The following PHC2 variants were observed in gnomAD, a reference collection of about 807,000 sequenced individuals.
PHC2 encodes polyhomeotic homolog 2.
Under a neutral mutation model 87.4 loss-of-function variants are expected in PHC2, and 29 were observed. The ratio of observed to expected loss-of-function variants is 0.33; its 90% CI spans 0.25 to 0.45. PHC2 has a LOEUF of 0.45. PHC2 is among the 20% of genes least tolerant of loss of function. The pLI is 1.00. For synonymous variants in PHC2, 438 were observed against 461.7 expected (o/e 0.95, Z 0.66); for missense variants, 857 against 1,136.7 (o/e 0.75, Z 3.54).
At chr1:33,330,530 T>C (rs1477039669) in intron 12 of PHC2, among the ~76,000 whole-genome samples, 1 of 152,216 alleles carries the variant, frequency 6.6e-6, no homozygotes, top group Non-Finnish European at 1.5e-5. Flanking sequence ...TATTCCACTA[T>C]AAATGTTACC....
rs1181637203 is a variant in PHC2 at position 33,375,396 on chromosome 1, G to A, written c.144C>T (p.Tyr48=). ...GRPTGPQISV[Y]SGIPDRQTVQ... ...CGGTCTGCCGGTCTGGAATACCACT[G>A]TACACAGAAATCTGGGGCCCGGTGG... Residue 48 remains tyrosine (Y), a synonymous_variant, in exon 2 of 15, where the codon TAC becomes TAT. Coordinates refer to ENST00000683057, the MANE Select transcript of PHC2 (RefSeq NM_001385109.1). 1.9e-6 allele frequency: 3 copies of A among 1,608,502 alleles called. No homozygotes were observed. The highest frequency in any genetic ancestry group is 2.5e-6 in the Non-Finnish European group (3 of 1,177,238).
intron 1 of PHC2, among the ~76,000 whole-genome samples, chr1:33,425,153 G>GTA (rs1205746751): frequency 6.6e-6 from 1 of 152,190 alleles, no homozygotes; most frequent in Non-Finnish European, 1.5e-5. Flanking sequence ...GGTGCTCACT[G>GTA]TATAATTTCC....
intron 2 of PHC2, 133 bp from the exon 3 acceptor site, chr1:33,372,580 GCCAAT>G (rs759892706): frequency 0.086 from 55,558 of 648,196 alleles, 4,112 homozygotes; most frequent in African/African-American, 0.31. Context: ...CACCACCACA[GCCAAT>G]TGTGGCCACT....
At chr1:33,413,969 C>T (rs1650090671) in intron 1 of PHC2, among the ~76,000 whole-genome samples, 1 of 152,112 alleles carries the variant, frequency 6.6e-6, no homozygotes, top group African/African-American at 2.4e-5. Flanking sequence ...TACAGCATGG[C>T]ATTGTGAGAA....
In PHC2 at chr1:33,382,785, C is replaced by T. The variant is rs1363942601; in HGVS notation, c.-54-7192G>A. On this transcript the variant is annotated intron_variant, in intron 1 of 14. Coordinates refer to ENST00000683057, the MANE Select transcript of PHC2 (RefSeq NM_001385109.1). The surrounding 1 kb of genome is among the most constrained non-coding windows in gnomAD (Gnocchi z 4.3). ...ATGGTTCTGCCCTCCCAGGAGCCGC[C>T]AAGTCTACGAAACACTAGGCCTTTG... Among the ~76,000 whole-genome samples the T allele has an allele frequency of 6.6e-6, 1 of 152,186 alleles. No individual in the cohort carries two copies. The highest frequency in any genetic ancestry group is 2.4e-5 in the African/African-American group (1 of 41,448).
At chr1:33,370,301 T>A in intron 5 of PHC2, 120 bp downstream of exon 5, 15 of 765,842 alleles carry the variant, frequency 2.0e-5, no homozygotes, top group African/African-American at 3.5e-5. Flanking sequence ...ATCCCACCCC[T>A]TATCTCCTGC....
intron 1 of PHC2, among the ~76,000 whole-genome samples, chr1:33,416,584 G>GAAAAAAAAAAAAAAAA (rs61591207): frequency 8.6e-6 from 1 of 115,840 alleles, no homozygotes; most frequent in Non-Finnish European, 1.7e-5. Flanking sequence ...TCAAAAAAAA[G>GAAAAAAAAAAAAAAAA]AAAAAAAAAA....
chr1:33,423,729 G>A (rs1187948168), intron 1 of PHC2, among the ~76,000 whole-genome samples: 2 of 152,228 alleles, frequency 1.3e-5, no homozygotes, highest in Non-Finnish European at 2.9e-5. Flanking sequence ...TAGGTGTAAT[G>A]CAGTACTTTC....
intron 7 of PHC2, among the ~76,000 whole-genome samples, chr1:33,366,202 G>A (rs550393157): frequency 1.3e-5 from 2 of 152,372 alleles, no homozygotes; most frequent in East Asian, 3.9e-4. Flanking sequence ...ACTGAGGTTA[G>A]TGGTTGTCTC....
At chr1:33,346,489 T>A (rs912999144) in intron 9 of PHC2, 1 of 985,272 alleles carries the variant, frequency 1.0e-6, no homozygotes, top group Non-Finnish European at 1.2e-6. Flanking sequence ...AGAATCTTTC[T>A]ATGGCTGGAA....
At chr1:33,418,999 G>A (rs1650319686) in intron 1 of PHC2, among the ~76,000 whole-genome samples, 1 of 152,132 alleles carries the variant, frequency 6.6e-6, no homozygotes, top group Admixed American at 6.5e-5. Flanking sequence ...CTTGGTTCAG[G>A]TCCTGGCCCC....
chr1:33,350,020 G>C (rs1000512582), intron 9 of PHC2: 1 of 232,648 alleles, frequency 4.3e-6, no homozygotes, highest in South Asian at 1.6e-4. Flanking sequence ...TCCTTTGTGC[G>C]GCGAGCCCCG....
At chr1:33,404,164 A>G (rs1489457525) in intron 1 of PHC2, among the ~76,000 whole-genome samples, 1 of 152,340 alleles carries the variant, frequency 6.6e-6, no homozygotes, top group Middle Eastern at 3.4e-3. Context: ...ATTTCCCTCC[A>G]AAACACTTCT....
Position 33,354,861 on chromosome 1 carries a change from G to C in PHC2, c.1369C>G (p.Gln457Glu), listed in dbSNP as rs139804561. The change falls in exon 8 of 15, where the codon CAA (glutamine) becomes GAA (glutamate). Residue 457 changes from glutamine to glutamate, a missense_variant. By Grantham distance (29) the Gln-to-Glu change is conservative (BLOSUM62 2). Coordinates refer to ENST00000683057, the MANE Select transcript of PHC2 (RefSeq NM_001385109.1). Reference sequence around the variant, plus strand: ...ACCACTGGTGAAGCAGGCTGCAGTTGTAAGATGACAGCTGAAGTGTGCTGG... The same window carrying C: ...ACCACTGGTGAAGCAGGCTGCAGTTCTAAGATGACAGCTGAAGTGTGCTGG... ...RFQHTSAVIL[Q>E]LQPASPVPQQ... 3.1e-6 allele frequency: 5 copies of C among 1,613,950 alleles called. No homozygotes were observed. Among genetic ancestry groups the C allele is most frequent in the Non-Finnish European group, 4.2e-6 (5 of 1,180,002 alleles).
At position 33,350,181 on chromosome 1, in the gene PHC2, A is replaced by G. The variant is rs113985155; in HGVS notation, c.1558+4220T>C. Among the ~76,000 whole-genome samples the G allele has an allele frequency of 2.6e-5, 4 of 152,088 alleles. 1 individual carries two copies. The highest frequency in any genetic ancestry group is 9.6e-5 in the African/African-American group (4 of 41,516). On this transcript the variant is annotated intron_variant, in intron 9 of 14. Coordinates refer to ENST00000683057, the MANE Select transcript of PHC2 (RefSeq NM_001385109.1). Reference sequence around the variant, plus strand: ...CCCGCCTTGGACCGTTCACTCCCTGAGGGGCCTGGGGGTCAGTCAGAAGAC... The same window carrying G: ...CCCGCCTTGGACCGTTCACTCCCTGGGGGGCCTGGGGGTCAGTCAGAAGAC...
chr1:33,352,907 A>C (rs767805770), intron 9 of PHC2, among the ~76,000 whole-genome samples: 45 of 152,222 alleles, frequency 3.0e-4, no homozygotes, highest in Non-Finnish European at 5.4e-4. Context: ...GGGCGATTCT[A>C]CTTATGTCCT....
At chr1:33,355,750 G>A (rs570029024) in intron 7 of PHC2, among the ~76,000 whole-genome samples, 2 of 152,310 alleles carry the variant, frequency 1.3e-5, no homozygotes, top group East Asian at 1.9e-4. Context: ...AGTAGACAAC[G>A]GTGGTTCTTG....
intron 1 of PHC2, among the ~76,000 whole-genome samples, chr1:33,408,462 T>C (rs1649853730): frequency 6.9e-6 from 1 of 144,452 alleles, no homozygotes; most frequent in Non-Finnish European, 1.5e-5. Flanking sequence ...TGTTTTGTTT[T>C]TGTTTGTTTT....
At chr1:33,352,665 C>A (rs768275535) in intron 9 of PHC2, among the ~76,000 whole-genome samples, 1 of 152,126 alleles carries the variant, frequency 6.6e-6, no homozygotes, top group East Asian at 1.9e-4. Context: ...CCAGGTAAGA[C>A]GAAACCTCAG....
Sources: gnomAD v4.1 joint callset for allele counts (sites outside exome capture counted in the v4.1 genomes callset) on GRCh38, gnomAD v4.1.1 for gene constraint, Gnocchi (gnomAD v3.1) non-coding constraint, MANE v1.5 for transcripts, NCBI Gene and HGNC (gene_info 2026-07-23, HGNC 2026-07-21) for gene names.